Variants in INPP5D observed in about 807,000 individuals in gnomAD.
INPP5D encodes the protein phosphatidylinositol 3,4,5-trisphosphate 5-phosphatase 1.
Under a neutral mutation model 122.9 loss-of-function variants are expected in INPP5D, and 33 were observed. That is an observed-to-expected ratio of 0.27 (90% CI 0.20 to 0.36). The LOEUF (loss-of-function observed/expected upper bound fraction) is 0.36, where lower values mean the gene tolerates loss of function less well. Among genes scored for constraint, INPP5D ranks in the 10% least tolerant of loss-of-function variants. The pLI is 1.00. For synonymous variants in INPP5D, 584 were observed against 576.2 expected (o/e 1.01, Z -0.19); for missense variants, 1,053 against 1,412.7 (o/e 0.75, Z 4.08).
At chr2:233,161,628 CCT>C in intron 10 of INPP5D, 94 bp from the exon 11 acceptor site, 1 of 1,432,528 alleles carries the variant, frequency 7.0e-7, no homozygotes, top group Non-Finnish European at 9.3e-7. Context: ...GATTTACGCT[CCT>C]CTCAGTTTTC....
intron 2 of INPP5D, among the ~76,000 whole-genome samples, chr2:233,113,369 G>A (rs904516202): frequency 1.3e-5 from 2 of 152,068 alleles, no homozygotes; most frequent in Non-Finnish European, 2.9e-5. Context: ...GGAAAGGAAA[G>A]GAACCAATAA....
At chr2:233,161,622 T>C in intron 10 of INPP5D, 102 bp from the exon 11 acceptor site, 1 of 1,423,836 alleles carries the variant, frequency 7.0e-7, no homozygotes, top group Non-Finnish European at 9.3e-7. Context: ...CACACTGATT[T>C]ACGCTCCTCT....
intron 13 of INPP5D, among the ~76,000 whole-genome samples, chr2:233,165,943 T>C (rs1405798706): frequency 6.6e-6 from 1 of 152,128 alleles, no homozygotes; most frequent in African/African-American, 2.4e-5. Context: ...CAGTGGTTTT[T>C]GGTGGTTGGA....
chr2:233,196,395 C>A (rs1273835297), intron 24 of INPP5D, among the ~76,000 whole-genome samples: 1 of 152,200 alleles, frequency 6.6e-6, no homozygotes, highest in Non-Finnish European at 1.5e-5. Flanking sequence ...GAAATCAAGG[C>A]AAATTCAGTG....
intron 23 of INPP5D, 131 bp downstream of exon 23, chr2:233,194,092 G>T (rs11681058): frequency 0.38 from 527,800 of 1,380,176 alleles, 102,361 homozygotes; most frequent in East Asian, 0.44. Flanking sequence ...CACTGGAAAA[G>T]ATCTCAGACA....
intron 18 of INPP5D, among the ~76,000 whole-genome samples, chr2:233,180,226 A>G (rs1199573856): frequency 6.6e-6 from 1 of 152,106 alleles, no homozygotes; most frequent in Non-Finnish European, 1.5e-5. Context: ...AGGGGACCAC[A>G]GAGAGTGTGG....
intron 17 of INPP5D, among the ~76,000 whole-genome samples, chr2:233,172,121 T>A (rs1297735825): frequency 6.6e-6 from 1 of 152,180 alleles, no homozygotes; most frequent in Non-Finnish European, 1.5e-5. Flanking sequence ...ACCCCCAGGA[T>A]GGGACACCCC....
rs545948488 is a variant in INPP5D, at chr2:233,189,579, C to A, written c.2359-271C>A. ...TGGATGGGGCCCATCTGGGGTCAGGCCTTCTTGCTGGGACCTGGGAGCCAG... is the reference window on the plus strand; with the variant it reads ...TGGATGGGGCCCATCTGGGGTCAGGACTTCTTGCTGGGACCTGGGAGCCAG... On this transcript the variant is annotated intron_variant, in intron 21 of 26. Coordinates refer to ENST00000445964, the MANE Select transcript of INPP5D (RefSeq NM_001017915.3). This position sits in a 1 kb window ranked among gnomAD's most constrained non-coding sequence, Gnocchi z 5.6. Among the ~76,000 whole-genome samples the A allele has an allele frequency of 2.0e-5, 3 of 152,138 alleles. 1 individual carries two copies. Among genetic ancestry groups the A allele is most frequent in the Admixed American group, 2.0e-4 (3 of 15,272 alleles).
At chr2:233,108,096 G>A (rs1645430097) in intron 2 of INPP5D, among the ~76,000 whole-genome samples, 1 of 152,110 alleles carries the variant, frequency 6.6e-6, no homozygotes, top group African/African-American at 2.4e-5. Flanking sequence ...CCTCCAGGAG[G>A]TAGACGCCCC....
chr2:233,092,172 G>A (rs1264538135), intron 2 of INPP5D, among the ~76,000 whole-genome samples: 2 of 152,230 alleles, frequency 1.3e-5, no homozygotes, highest in African/African-American at 4.8e-5. Context: ...GGCGGCCGGA[G>A]TGACTGGGGG....
rs1250538999 is a variant in INPP5D at position 233,189,210 on chromosome 2, G to A, written c.2359-640G>A. Among the ~76,000 whole-genome samples, 1 of 152,212 alleles carries A rather than the reference G, an allele frequency of 6.6e-6. No individual in the cohort carries two copies. The highest frequency in any genetic ancestry group is 2.4e-5 in the African/African-American group (1 of 41,452). ...CCTCTGGGGGAGCTGGCACTCCCCA[G>A]CTCTGGAAACTTGCTCGCAGATGGA... On this transcript the variant is annotated intron_variant, in intron 21 of 26. Transcript: ENST00000445964. The surrounding 1 kb of genome is among the most constrained non-coding windows in gnomAD (Gnocchi z 5.6).
In INPP5D at chr2:233,177,871, G is replaced by T. The variant is rs1009089957; in HGVS notation, c.2071+525G>T. 6.6e-6 allele frequency among the ~76,000 whole-genome samples: 1 copy of T among 152,126 alleles called. No homozygotes were observed. The highest frequency in any genetic ancestry group is 2.1e-4 in the South Asian group (1 of 4,830). On this transcript the variant is annotated intron_variant, in intron 18 of 26. Transcript: ENST00000445964. This position sits in a 1 kb window ranked among gnomAD's most constrained non-coding sequence, Gnocchi z 4.2. ...ATTACAGGCATGAGCCACCGCGGCC[G>T]ACCCGGAGCACTTTTTTAAAAATTC...
intron 10 of INPP5D, among the ~76,000 whole-genome samples, chr2:233,161,203 T>G (rs1694189314): frequency 1.3e-5 from 2 of 152,184 alleles, no homozygotes; most frequent in Non-Finnish European, 2.9e-5. Context: ...GCAATTCTTC[T>G]GCCTCAGCCT....
intron 1 of INPP5D, among the ~76,000 whole-genome samples, chr2:233,065,315 T>TG (rs1014848752): frequency 1.3e-5 from 2 of 148,270 alleles, no homozygotes; most frequent in Non-Finnish European, 3.0e-5. Flanking sequence ...GGGTTTTTTT[T>TG]TTTTTTTTTT....
chr2:233,079,274 C>A (rs1691608115), intron 1 of INPP5D, 61 bp from the exon 2 acceptor site: 1 of 1,041,438 alleles, frequency 9.6e-7, no homozygotes, highest in Non-Finnish European at 1.5e-6. Flanking sequence ...CTTGTCTTTT[C>A]AGTTAAGAGG....
At chr2:233,123,798 G>A (rs1277392185) in intron 3 of INPP5D, among the ~76,000 whole-genome samples, 1 of 152,210 alleles carries the variant, frequency 6.6e-6, no homozygotes, top group African/African-American at 2.4e-5. Flanking sequence ...TAAAAAGAAC[G>A]AGATCATGTC....
intron 1 of INPP5D, among the ~76,000 whole-genome samples, chr2:233,062,985 TAAA>T (rs541988646): frequency 1.4e-5 from 2 of 143,874 alleles, no homozygotes; most frequent in African/African-American, 5.1e-5. Context: ...GGAAGGGCAT[TAAA>T]AAAAAAAAAG....
At chr2:233,141,702 T>G (rs1287263236) in intron 6 of INPP5D, 1 of 152,164 alleles carries the variant, frequency 6.6e-6, no homozygotes, top group Non-Finnish European at 1.5e-5. Context: ...AGACTACTGT[T>G]AGGTGGAAAA....
rs1694823072 is a variant in INPP5D, at chr2:233,183,038, T to C, written c.2161+539T>C. Among the ~76,000 whole-genome samples the C allele has an allele frequency of 6.6e-6, 1 of 152,182 alleles. No homozygotes were observed. Among genetic ancestry groups the C allele is most frequent in the Non-Finnish European group, 1.5e-5 (1 of 68,042 alleles). ...GATGGTAAAAATCGTTAAGATGGGA[T>C]GCAAATGACTGAGTTTTGGGAAACA... On this transcript the variant is annotated intron_variant, in intron 19 of 26. Transcript: ENST00000445964. This position sits in a 1 kb window ranked among gnomAD's most constrained non-coding sequence, Gnocchi z 4.6.
Sources: allele counts gnomAD v4.1 joint callset (sites outside exome capture counted in the v4.1 genomes callset), GRCh38; gene constraint gnomAD v4.1.1; non-coding constraint Gnocchi (gnomAD v3.1); transcripts MANE v1.5; gene names NCBI Gene and HGNC (gene_info 2026-07-23, HGNC 2026-07-21).